The following CNNM2 variants were observed in gnomAD, a reference collection of about 807,000 sequenced individuals.
CNNM2 encodes cyclin and CBS domain divalent metal cation transport mediator 2.
A neutral mutation model predicts 66.9 loss-of-function variants in CNNM2; 12 were observed. That is an observed-to-expected ratio of 0.18 (90% CI 0.11 to 0.29). The LOEUF is 0.29. Among genes scored for constraint, CNNM2 ranks in the 10% least tolerant of loss-of-function variants. The pLI, the probability that CNNM2 is intolerant of heterozygous loss-of-function variation, is 1.00. For synonymous variants in CNNM2, 557 were observed against 501.8 expected, an observed-to-expected ratio of 1.11 and a Z score of -1.47; for missense variants, 705 against 1,167.7, an observed-to-expected ratio of 0.60 and a Z score of 5.77.
At chr10:102,959,298 A>G (rs117294474) in intron 1 of CNNM2, among the ~76,000 whole-genome samples, 36 of 152,298 alleles carry the variant, frequency 2.4e-4, no homozygotes, top group East Asian at 1.7e-3. Flanking sequence ...GAGTACTTCT[A>G]TTCAGGAGGG....
chr10:102,958,472 T>G lies in CNNM2; in HGVS notation c.1621+38371T>G, dbSNP rs200323479. Among the ~76,000 whole-genome samples, 501 of 115,536 alleles carry G rather than the reference T, an allele frequency of 4.3e-3. 3 individuals carry two copies. Among genetic ancestry groups the G allele is most frequent in the East Asian group, 0.019 (70 of 3,748 alleles). 75.8% of individuals were successfully genotyped at this position (115,536 alleles called of 152,430 possible). On this transcript the variant is annotated intron_variant, in intron 1 of 7. Transcript: ENST00000369878. ...TTCAAGCAACTTGTTTTTTTTTTTT[T>G]TTTTTTTTTTTTTTTTTGAGATGGA...
At chr10:103,052,338 CA>C (rs1386871151) in intron 2 of CNNM2, among the ~76,000 whole-genome samples, 7 of 151,212 alleles carry the variant, frequency 4.6e-5, no homozygotes, top group African/African-American at 1.7e-4. Context: ...TCTGTTTGCC[CA>C]GGGGTAGTAC....
intron 2 of CNNM2, among the ~76,000 whole-genome samples, chr10:103,050,392 G>A (rs189037877): frequency 1.1e-4 from 16 of 152,164 alleles, no homozygotes; most frequent in Admixed American, 7.8e-4. Context: ...TTAGCTGGGC[G>A]TAGTGGTAGT....
At chr10:102,930,418 A>C (rs1047943287) in intron 1 of CNNM2, among the ~76,000 whole-genome samples, 1 of 152,216 alleles carries the variant, frequency 6.6e-6, no homozygotes, top group Admixed American at 6.5e-5. Context: ...AAAAAATTCA[A>C]ATCTGCTAAG....
chr10:102,979,607 C>A (rs918677063), intron 1 of CNNM2, among the ~76,000 whole-genome samples: 1 of 152,120 alleles, frequency 6.6e-6, no homozygotes, highest in African/African-American at 2.4e-5. Context: ...CCACCAGGGA[C>A]TTTGTTTTTT....
At chr10:102,945,197 C>A (rs1846571791) in intron 1 of CNNM2, among the ~76,000 whole-genome samples, 1 of 152,094 alleles carries the variant, frequency 6.6e-6, no homozygotes, top group Non-Finnish European at 1.5e-5. Flanking sequence ...TTTCTTTTCC[C>A]ATTCAAGCAT....
chr10:102,963,314 A>G (rs763120625), intron 1 of CNNM2, among the ~76,000 whole-genome samples: 1 of 152,190 alleles, frequency 6.6e-6, no homozygotes, highest in Non-Finnish European at 1.5e-5. Flanking sequence ...TCCTTGGCCT[A>G]ACTGGAACGC....
chr10:103,045,555 G>C (rs1024238608), intron 1 of CNNM2, among the ~76,000 whole-genome samples: 1 of 152,024 alleles, frequency 6.6e-6, no homozygotes, highest in Non-Finnish European at 1.5e-5. Flanking sequence ...AACTTAAAGT[G>C]TTAACTAAAC....
rs1195636813 is a variant in CNNM2 at position 102,958,163 on chromosome 10, C to T, written c.1621+38062C>T. Among the ~76,000 whole-genome samples the T allele has an allele frequency of 2.0e-5, 3 of 151,990 alleles. No homozygotes were observed. Among genetic ancestry groups the T allele is most frequent in the South Asian group, 2.1e-4 (1 of 4,820 alleles). On this transcript the variant is annotated intron_variant, in intron 1 of 7. Transcript: ENST00000369878. ...GTTGGTCAGGCTGATCTCGAACTCC[C>T]GACCTCAGGTGATCCGCCCGCCTTA...
At chr10:102,924,253 C>T (rs1343116284) in intron 1 of CNNM2, among the ~76,000 whole-genome samples, 3 of 152,206 alleles carry the variant, frequency 2.0e-5, no homozygotes, top group Non-Finnish European at 4.4e-5. Flanking sequence ...CAAAACCGTC[C>T]TCACAAAAGA....
intron 1 of CNNM2, among the ~76,000 whole-genome samples, chr10:103,006,358 T>C (rs2064227763): frequency 6.6e-6 from 1 of 151,594 alleles, no homozygotes; most frequent in East Asian, 2.0e-4. Context: ...AGGCACCTGC[T>C]GCCACGCCCA....
intron 1 of CNNM2, among the ~76,000 whole-genome samples, chr10:102,977,512 GA>G (rs1200754849): frequency 6.6e-6 from 1 of 152,114 alleles, no homozygotes; most frequent in Non-Finnish European, 1.5e-5. Context: ...GTTTCCTTGT[GA>G]AAAAATTTTT....
chr10:102,939,860 C>T (rs909137177), intron 1 of CNNM2, among the ~76,000 whole-genome samples: 14 of 151,940 alleles, frequency 9.2e-5, no homozygotes, highest in Admixed American at 3.9e-4. Flanking sequence ...CCCAGCTACT[C>T]GGGAGGCTGA....
intron 1 of CNNM2, chr10:102,921,053 C>G: frequency 1.0e-6 from 1 of 978,042 alleles, no homozygotes. Flanking sequence ...TCAACTCTCA[C>G]CGTTCCAAGA....
intron 1 of CNNM2, among the ~76,000 whole-genome samples, chr10:102,996,812 C>G (rs1290221867): frequency 6.6e-6 from 1 of 152,176 alleles, no homozygotes; most frequent in African/African-American, 2.4e-5. Flanking sequence ...CCTTGTACAG[C>G]ATTTATTTTC....
chr10:102,949,906 A>G (rs1291552452), intron 1 of CNNM2, among the ~76,000 whole-genome samples: 1 of 152,232 alleles, frequency 6.6e-6, no homozygotes, highest in Non-Finnish European at 1.5e-5. Context: ...GCTTATCAGT[A>G]AAGTCACAGT....
intron 1 of CNNM2, among the ~76,000 whole-genome samples, chr10:102,964,516 A>G (rs1472339686): frequency 6.6e-6 from 1 of 152,178 alleles, no homozygotes; most frequent in Non-Finnish European, 1.5e-5. Flanking sequence ...CTCATGAGCC[A>G]CTGCGCCTGG....
chr10:102,926,956 T>G (rs1208237427), intron 1 of CNNM2, among the ~76,000 whole-genome samples: 16 of 151,984 alleles, frequency 1.1e-4, no homozygotes, highest in Admixed American at 1.0e-3. Flanking sequence ...TGGGCTCAAG[T>G]GATCTGCCTT....
chr10:102,926,712 A>ATTT lies in CNNM2; in HGVS notation c.1621+6630_1621+6632dup, dbSNP rs376861078. ...AGGCGTGTGCCACCACACCCAGCTA[A>ATTT]TTTTTTTTTTTTTTTTTTTTTGAGA... On this transcript the variant is annotated intron_variant, in intron 1 of 7. Transcript: ENST00000369878. Among the ~76,000 whole-genome samples, 6,731 of 113,658 alleles carry ATTT rather than the reference A, an allele frequency of 0.059. 352 individuals are homozygous for ATTT. The highest frequency in any genetic ancestry group is 0.076 in the Non-Finnish European group (4,324 of 57,148). The allele number at this position is 113,658 out of a possible 152,430, so 74.6% of individuals were successfully genotyped here.
Sources: allele counts gnomAD v4.1 joint callset (sites outside exome capture counted in the v4.1 genomes callset), GRCh38; gene constraint gnomAD v4.1.1; transcripts MANE v1.5; gene names NCBI Gene and HGNC (gene_info 2026-07-23, HGNC 2026-07-21).